The following SLC39A11 variants were observed in gnomAD, a reference collection of about 807,000 sequenced individuals.
The protein encoded by SLC39A11 is zinc transporter ZIP11.
In SLC39A11, 33 loss-of-function variants were observed where a neutral mutation model predicts 36.1. The ratio of observed to expected loss-of-function variants is 0.91; its 90% confidence interval spans 0.69 to 1.22. The LOEUF (loss-of-function observed/expected upper bound fraction) is 1.22, where lower values mean the gene tolerates loss of function less well. Among genes scored for constraint, SLC39A11 ranks in the 50% most tolerant of loss-of-function variants. The pLI is 0.00. For missense variants in SLC39A11, 432 were observed against 430.3 expected (o/e 1.00, Z -0.03); for synonymous variants, 166 against 170.3 (o/e 0.97, Z 0.20).
At chr17:73,024,422 T>C (rs1568142738) in intron 4 of SLC39A11, among the ~76,000 whole-genome samples, 1 of 152,190 alleles carries the variant, frequency 6.6e-6, no homozygotes, top group Non-Finnish European at 1.5e-5. Flanking sequence ...AGGCTTATTG[T>C]AGAGACTCTC....
At chr17:72,887,216 G>A (rs1450397485) in intron 5 of SLC39A11, among the ~76,000 whole-genome samples, 1 of 152,192 alleles carries the variant, frequency 6.6e-6, no homozygotes, top group Non-Finnish European at 1.5e-5. Flanking sequence ...ATGAATAAAT[G>A]GATCAGATAA....
At position 73,092,645 on chromosome 17, in the gene SLC39A11, T is replaced by C. The variant is rs1049993956; in HGVS notation, c.-46A>G. ...CTCTCCAGCCCCCACTGCACTTCCA[T>C]CAGCCCCCGCTGCCACTCTCTCGCC... On this transcript the variant is annotated 5_prime_UTR_variant, in exon 1 of 10. The change abolishes an upstream ATG in the 5' untranslated region. Transcript: ENST00000255559. The C allele has an allele frequency of 2.2e-4, 33 of 152,626 alleles. No individual in the cohort carries two copies. The highest frequency in any genetic ancestry group is 8.8e-5 in the Non-Finnish European group (6 of 68,336). The allele number at this position is 152,626 out of a possible 1,614,324, so 9.5% of individuals were successfully genotyped here.
At chr17:72,838,029 A>G in intron 6 of SLC39A11, 1 of 1,214,100 alleles carries the variant, frequency 8.2e-7, no homozygotes, top group Non-Finnish European at 1.0e-6. Context: ...TACACCTATA[A>G]TCTCAGCACT....
At chr17:73,039,777 A>T (rs1031567464) in intron 3 of SLC39A11, among the ~76,000 whole-genome samples, 2 of 152,216 alleles carry the variant, frequency 1.3e-5, no homozygotes, top group African/African-American at 2.4e-5. Context: ...TCACAGACTC[A>T]CTTAGAGTCA....
intron 5 of SLC39A11, among the ~76,000 whole-genome samples, chr17:72,897,069 A>C (rs1251439516): frequency 6.7e-6 from 1 of 150,340 alleles, no homozygotes; most frequent in Non-Finnish European, 1.5e-5. Flanking sequence ...AAAAAAAAAA[A>C]AACAAACAGA....
chr17:72,958,594 T>C (rs992291533), intron 4 of SLC39A11, among the ~76,000 whole-genome samples: 30 of 152,190 alleles, frequency 2.0e-4, no homozygotes. Flanking sequence ...CTCACACCTG[T>C]AATCCCAGCA....
intron 4 of SLC39A11, among the ~76,000 whole-genome samples, chr17:72,958,669 G>A (rs777344380): frequency 6.6e-5 from 10 of 152,068 alleles, no homozygotes; most frequent in African/African-American, 9.7e-5. Context: ...TGGCCAACAT[G>A]GCGAAACCCC....
intron 4 of SLC39A11, among the ~76,000 whole-genome samples, chr17:72,951,570 T>A (rs1359158856): frequency 1.3e-5 from 2 of 152,134 alleles, no homozygotes; most frequent in Non-Finnish European, 2.9e-5. Flanking sequence ...GAGAGACAGA[T>A]GATAATAAAC....
intron 5 of SLC39A11, among the ~76,000 whole-genome samples, chr17:72,852,689 T>TG (rs2079423008): frequency 1.3e-5 from 2 of 152,200 alleles, no homozygotes; most frequent in South Asian, 4.1e-4. Flanking sequence ...TGCACTTCTG[T>TG]GCACACATTG....
chr17:72,903,049 C>T (rs1020828813), intron 5 of SLC39A11, among the ~76,000 whole-genome samples: 1 of 152,098 alleles, frequency 6.6e-6, no homozygotes, highest in Non-Finnish European at 1.5e-5. Context: ...AGTGGATCAC[C>T]TGAGGTCAGG....
intron 5 of SLC39A11, among the ~76,000 whole-genome samples, chr17:72,898,538 G>A (rs1440354678): frequency 6.6e-6 from 1 of 152,138 alleles, no homozygotes; most frequent in Non-Finnish European, 1.5e-5. Flanking sequence ...GTGACATAGA[G>A]GCAGGGATTC....
intron 7 of SLC39A11, among the ~76,000 whole-genome samples, chr17:72,732,809 T>C (rs1011235834): frequency 6.6e-6 from 1 of 152,228 alleles, no homozygotes. Context: ...ATTTCTATTA[T>C]CCTAGGCCAG....
intron 4 of SLC39A11, among the ~76,000 whole-genome samples, chr17:72,978,647 A>G (rs2088052454): frequency 6.6e-6 from 1 of 151,630 alleles, no homozygotes; most frequent in Admixed American, 6.6e-5. Context: ...GACTGTGGGG[A>G]GCATGGAAGT....
At chr17:72,813,854 A>G (rs2077504066) in intron 6 of SLC39A11, among the ~76,000 whole-genome samples, 1 of 152,202 alleles carries the variant, frequency 6.6e-6, no homozygotes, top group African/African-American at 2.4e-5. Flanking sequence ...TATTCCACTA[A>G]TGAAGGCTAG....
intron 7 of SLC39A11, among the ~76,000 whole-genome samples, chr17:72,720,454 G>GTAGCCAGGCACACTCAGA (rs1567983472): frequency 6.6e-6 from 1 of 152,172 alleles, no homozygotes; most frequent in Non-Finnish European, 1.5e-5. Context: ...TGGGCCCCGA[G>GTAGCCAGGCACACTCAGA]GCTTGGATGT....
chr17:72,925,134 G>A lies in SLC39A11; in HGVS notation c.430+22618C>T, dbSNP rs117315478. Among the ~76,000 whole-genome samples, 313 of 152,150 alleles carry A rather than the reference G, an allele frequency of 2.1e-3. 1 individual carries two copies. The highest frequency in any genetic ancestry group is 3.7e-3 in the Non-Finnish European group (254 of 68,008). On this transcript the variant is annotated intron_variant, in intron 5 of 9. Transcript: ENST00000255559. ...AATTTCAGGATGGCCATGTGGATGC[G>A]CTTCTTTCTCTTTTGAAATACAAGT...
chr17:72,906,100 G>C (rs978816408), intron 5 of SLC39A11, among the ~76,000 whole-genome samples: 11 of 152,210 alleles, frequency 7.2e-5, no homozygotes, highest in African/African-American at 2.4e-5. Flanking sequence ...CAACGAGCTA[G>C]AGTAGAGCAA....
chr17:72,784,860 C>CT (rs10594452), intron 6 of SLC39A11, among the ~76,000 whole-genome samples: 3,153 of 134,694 alleles, frequency 0.023, 96 homozygotes, highest in African/African-American at 0.073. Context: ...TTTCTTTCTT[C>CT]TTTTTTTTTT....
chr17:72,983,958 C>G (rs2088523607), intron 4 of SLC39A11, among the ~76,000 whole-genome samples: 1 of 152,178 alleles, frequency 6.6e-6, no homozygotes, highest in South Asian at 2.1e-4. Flanking sequence ...CAGGGGCCCT[C>G]TAGACCCCTT....
Sources: allele counts gnomAD v4.1 joint callset (sites outside exome capture counted in the v4.1 genomes callset), GRCh38; gene constraint gnomAD v4.1.1; transcripts MANE v1.5; gene names NCBI Gene and HGNC (gene_info 2026-07-23, HGNC 2026-07-21).